Variants in CSMD1 observed in about 807,000 individuals in gnomAD.
CSMD1 encodes CUB and sushi domain-containing protein 1.
A neutral mutation model predicts 417.5 loss-of-function variants in CSMD1; 213 were observed. The ratio of observed to expected loss-of-function variants is 0.51; its 90% CI spans 0.46 to 0.57. The LOEUF (loss-of-function observed/expected upper bound fraction) is 0.57, where lower values mean the gene tolerates loss of function less well. Among genes scored for constraint, CSMD1 ranks in the 20% least tolerant of loss-of-function variants. CSMD1 has a pLI of 0.00. For synonymous variants in CSMD1, 2,862 were observed against 1,736.8 expected (o/e 1.65, Z -16.11); for missense variants, 6,923 against 4,529.7 (o/e 1.53, Z -15.17).
chr8:4,212,829 T>A (rs1177603194), intron 3 of CSMD1, among the ~76,000 whole-genome samples: 2 of 148,404 alleles, frequency 1.3e-5, no homozygotes, highest in South Asian at 4.3e-4. Context: ...TGGACTGGCA[T>A]TTGGGAAACA....
intron 3 of CSMD1, among the ~76,000 whole-genome samples, chr8:4,314,338 C>T (rs1408427154): frequency 1.3e-5 from 2 of 152,184 alleles, no homozygotes; most frequent in East Asian, 1.9e-4. Context: ...ACAGCCAGTG[C>T]CTCCACCTGC....
At chr8:3,845,418 A>G (rs4377982) in intron 5 of CSMD1, among the ~76,000 whole-genome samples, 129,597 of 152,114 alleles carry the variant, frequency 0.85, 55,305 homozygotes, top group African/African-American at 0.9. Context: ...ACAGTGATAG[A>G]TATCTATGTA....
chr8:3,170,549 C>G (rs564764598), intron 37 of CSMD1, among the ~76,000 whole-genome samples: 1 of 152,332 alleles, frequency 6.6e-6, no homozygotes, highest in South Asian at 2.1e-4. Flanking sequence ...GTGCTTTACC[C>G]TCCCATAGCA....
At chr8:4,048,440 T>C (rs1376962831) in intron 3 of CSMD1, among the ~76,000 whole-genome samples, 1 of 152,202 alleles carries the variant, frequency 6.6e-6, no homozygotes, top group African/African-American at 2.4e-5. Context: ...AACTCTCCTA[T>C]TTTCCCAACA....
chr8:4,690,063 A>T (rs1441775058), intron 1 of CSMD1, among the ~76,000 whole-genome samples: 1 of 152,224 alleles, frequency 6.6e-6, no homozygotes, highest in Non-Finnish European at 1.5e-5. Context: ...TGGTAACATT[A>T]TACGGAGAAG....
chr8:3,426,687 A>G (rs1176451724), intron 12 of CSMD1, among the ~76,000 whole-genome samples: 1 of 152,202 alleles, frequency 6.6e-6, no homozygotes, highest in African/African-American at 2.4e-5. Context: ...TTTTTCTTAC[A>G]TTACAAACCA....
At chr8:3,296,304 G>T (rs1406257158) in intron 25 of CSMD1, among the ~76,000 whole-genome samples, 1 of 151,634 alleles carries the variant, frequency 6.6e-6, no homozygotes, top group Non-Finnish European at 1.5e-5. Context: ...CCACGTAAGG[G>T]GCATACCGTC....
At chr8:4,025,548 T>G (rs994975999) in intron 4 of CSMD1, among the ~76,000 whole-genome samples, 2 of 152,204 alleles carry the variant, frequency 1.3e-5, no homozygotes, top group Non-Finnish European at 2.9e-5. Context: ...TTTTTTCATA[T>G]TTCTCCCCTA....
Position 4,637,381 on chromosome 8 carries a change from A to G in CSMD1, c.263T>C (p.Val88Ala). 6.2e-7 allele frequency: 1 copy of G among 1,613,988 alleles called. No individual in the cohort carries two copies. The highest frequency in any genetic ancestry group is 8.5e-7 in the Non-Finnish European group (1 of 1,179,882). Reference sequence around the variant, plus strand: ...CCCTTGTTGAGGCTGTCCATCGTAAACTGATAAAATATCAAAATCTTCTTC... The same window carrying G: ...CCCTTGTTGAGGCTGTCCATCGTAAGCTGATAAAATATCAAAATCTTCTTC... ...ALEEDFDILS[V>A]YDGQPQQGNL... The change falls in exon 2 of 70, where the codon GTT becomes GCT. Residue 88 changes from valine (V) to alanine (A), a missense_variant. Physicochemically the swap from Val to Ala is moderately conservative, Grantham distance 64 (BLOSUM62 0). Coordinates refer to ENST00000635120, the MANE Select transcript of CSMD1 (RefSeq NM_033225.6).
intron 26 of CSMD1, among the ~76,000 whole-genome samples, chr8:3,272,189 T>C (rs1220564861): frequency 6.8e-6 from 1 of 146,792 alleles, no homozygotes; most frequent in Non-Finnish European, 1.5e-5. Flanking sequence ...AAATAGGGAA[T>C]GCTTTCCCCA....
At chr8:3,957,991 T>C (rs1812080723) in intron 5 of CSMD1, among the ~76,000 whole-genome samples, 1 of 152,180 alleles carries the variant, frequency 6.6e-6, no homozygotes, top group African/African-American at 2.4e-5. Context: ...TTTGCTTGCT[T>C]AACGTTCTAG....
chr8:4,894,377 C>G (rs1321391179), intron 1 of CSMD1, among the ~76,000 whole-genome samples: 1 of 151,626 alleles, frequency 6.6e-6, no homozygotes, highest in Admixed American at 6.6e-5. Context: ...AGATAATTTA[C>G]TTTCATATTC....
intron 7 of CSMD1, among the ~76,000 whole-genome samples, chr8:3,684,813 A>G (rs1285279446): frequency 1.3e-5 from 2 of 152,086 alleles, no homozygotes; most frequent in Non-Finnish European, 2.9e-5. Context: ...CTTGCTATAG[A>G]TCATATTCCA....
intron 3 of CSMD1, among the ~76,000 whole-genome samples, chr8:4,373,749 C>G (rs921255222): frequency 3.2e-4 from 48 of 152,310 alleles, no homozygotes; most frequent in African/African-American, 9.1e-4. Flanking sequence ...ACTGTGCCAT[C>G]TTATTATCAG....
intron 5 of CSMD1, among the ~76,000 whole-genome samples, chr8:3,970,371 G>A (rs565473488): frequency 2.6e-5 from 4 of 152,236 alleles, no homozygotes; most frequent in Middle Eastern, 6.8e-3. Context: ...TTGCAACTCC[G>A]ACCAAACAGT....
intron 3 of CSMD1, among the ~76,000 whole-genome samples, chr8:4,119,269 T>C (rs1330432966): frequency 6.6e-6 from 1 of 151,852 alleles, no homozygotes. Context: ...AAAAAAAAAA[T>C]AGAAACAAAT....
Position 4,028,057 on chromosome 8 carries a change from C to T in CSMD1, c.610+3848G>A, listed in dbSNP as rs563727516. On this transcript the variant is annotated intron_variant, in intron 4 of 69. Transcript: ENST00000635120. ...ACAGGTTTAGGTTTTGAGGCCACCA[C>T]TGTTTTGACAACATAAAGATGAAAA... Among the ~76,000 whole-genome samples, 18 of 151,932 alleles carry T rather than the reference C, an allele frequency of 1.2e-4. No homozygotes were observed. In the South Asian group the frequency reaches 2.3e-3, roughly 19 times the overall value.
chr8:3,993,840 C>T (rs968159447), intron 5 of CSMD1, among the ~76,000 whole-genome samples: 4 of 152,196 alleles, frequency 2.6e-5, no homozygotes, highest in African/African-American at 4.8e-5. Flanking sequence ...CTTCCAGGTA[C>T]TCTGCATGCC....
At chr8:3,383,839 A>T (rs1026670853) in intron 18 of CSMD1, among the ~76,000 whole-genome samples, 1 of 152,190 alleles carries the variant, frequency 6.6e-6, no homozygotes, top group African/African-American at 2.4e-5. Flanking sequence ...GTCAGCAAAC[A>T]GTAGAATGAA....
Sources: allele counts gnomAD v4.1 joint callset (sites outside exome capture counted in the v4.1 genomes callset), GRCh38; gene constraint gnomAD v4.1.1; transcripts MANE v1.5; gene names NCBI Gene and HGNC (gene_info 2026-07-23, HGNC 2026-07-21).